Variants in DPP10 observed in about 807,000 individuals in gnomAD.
DPP10 encodes inactive dipeptidyl peptidase 10.
DPP10 carries 33 observed loss-of-function variants against 120.9 expected under a neutral mutation model. The ratio of observed to expected loss-of-function variants is 0.27; its 90% CI spans 0.21 to 0.37. The LOEUF (loss-of-function observed/expected upper bound fraction) is 0.37. Among genes scored for constraint, DPP10 ranks in the 10% least tolerant of loss-of-function variants. DPP10 has a pLI of 1.00. For missense variants in DPP10, 816 were observed against 942.8 expected, an observed-to-expected ratio of 0.87 and a Z score of 1.76; for synonymous variants, 337 against 326.1, an observed-to-expected ratio of 1.03 and a Z score of -0.36.
intron 1 of DPP10, among the ~76,000 whole-genome samples, chr2:114,507,531 A>G (rs1024015717): frequency 6.6e-6 from 1 of 152,164 alleles, no homozygotes; most frequent in Non-Finnish European, 1.5e-5. Context: ...TGATTCATAT[A>G]TTGGCTTAAA....
chr2:114,955,900 A>G (rs1698166131), intron 1 of DPP10, among the ~76,000 whole-genome samples: 2 of 152,182 alleles, frequency 1.3e-5, no homozygotes. Flanking sequence ...ATATTTTATC[A>G]TATTAAAAAA....
intron 1 of DPP10, among the ~76,000 whole-genome samples, chr2:115,277,205 C>G (rs556256710): frequency 5.3e-5 from 8 of 152,208 alleles, no homozygotes; most frequent in African/African-American, 1.9e-4. Flanking sequence ...CTGAAATAAG[C>G]AATGCATTCT....
At chr2:115,821,564 A>G (rs1404185600) in intron 21 of DPP10, among the ~76,000 whole-genome samples, 1 of 152,022 alleles carries the variant, frequency 6.6e-6, no homozygotes, top group Non-Finnish European at 1.5e-5. Context: ...GATTGTATTC[A>G]TTTAAATTTC....
intron 19 of DPP10, among the ~76,000 whole-genome samples, chr2:115,806,123 A>T (rs1685938413): frequency 1.3e-5 from 2 of 152,318 alleles, no homozygotes; most frequent in Non-Finnish European, 2.9e-5. Context: ...AATTCAGAAA[A>T]AGACCCATAA....
chr2:115,528,730 G>A (rs2078282128), intron 5 of DPP10, among the ~76,000 whole-genome samples: 1 of 152,012 alleles, frequency 6.6e-6, no homozygotes, highest in South Asian at 2.1e-4. Flanking sequence ...ATAAATCTTC[G>A]GAATTATGCC....
intron 1 of DPP10, among the ~76,000 whole-genome samples, chr2:114,995,424 C>G (rs1701016714): frequency 2.7e-4 from 2 of 7,406 alleles, no homozygotes; most frequent in Non-Finnish European, 3.9e-3. Flanking sequence ...GTTCCTTTCT[C>G]AGAAAAAAAA....
chr2:115,060,470 G>A (rs1410411697), intron 1 of DPP10, among the ~76,000 whole-genome samples: 1 of 152,092 alleles, frequency 6.6e-6, no homozygotes, highest in African/African-American at 2.4e-5. Context: ...GCATATGCCT[G>A]TAGTCCCAGC....
At chr2:115,639,753 G>C (rs1575413594) in intron 5 of DPP10, among the ~76,000 whole-genome samples, 1 of 151,994 alleles carries the variant, frequency 6.6e-6, no homozygotes, top group Non-Finnish European at 1.5e-5. Flanking sequence ...GAATCTCTAG[G>C]GTTTTGATTC....
chr2:114,989,382 C>A (rs928969819), intron 1 of DPP10, among the ~76,000 whole-genome samples: 1 of 152,056 alleles, frequency 6.6e-6, no homozygotes, highest in Non-Finnish European at 1.5e-5. Flanking sequence ...AGTAGGATGT[C>A]CACAGAGGAA....
At chr2:114,731,343 A>G (rs1676895045) in intron 1 of DPP10, among the ~76,000 whole-genome samples, 1 of 152,050 alleles carries the variant, frequency 6.6e-6, no homozygotes, top group Non-Finnish European at 1.5e-5. Flanking sequence ...GATTAACAGC[A>G]CTGTACTTCT....
At chr2:115,767,489 GTA>G (rs1491331151) in intron 12 of DPP10, among the ~76,000 whole-genome samples, 8 of 109,294 alleles carry the variant, frequency 7.3e-5, no homozygotes, top group Admixed American at 6.3e-4. Flanking sequence ...GTGTGTGTGT[GTA>G]TATATATATA....
At chr2:115,178,377 T>C (rs926775004) in intron 1 of DPP10, among the ~76,000 whole-genome samples, 1 of 151,942 alleles carries the variant, frequency 6.6e-6, no homozygotes. Context: ...GTCAAATTAC[T>C]TTCCTTCTCT....
chr2:114,644,445 A>G (rs915518217), intron 1 of DPP10, among the ~76,000 whole-genome samples: 5 of 151,332 alleles, frequency 3.3e-5, no homozygotes, highest in Admixed American at 2.6e-4. Flanking sequence ...TTATCTCCCT[A>G]TTACAAAACT....
intron 1 of DPP10, among the ~76,000 whole-genome samples, chr2:115,243,540 C>T (rs1371540374): frequency 6.6e-6 from 1 of 151,730 alleles, no homozygotes; most frequent in South Asian, 2.1e-4. Flanking sequence ...ACTGTAAAGC[C>T]AGTTATTTGC....
At chr2:114,600,062 T>C (rs1692242696) in intron 1 of DPP10, among the ~76,000 whole-genome samples, 1 of 151,794 alleles carries the variant, frequency 6.6e-6, no homozygotes, top group Admixed American at 6.6e-5. Flanking sequence ...GGGATCAATT[T>C]TTTTTTCCCA....
At chr2:114,681,825 T>G (rs1315596832) in intron 1 of DPP10, among the ~76,000 whole-genome samples, 1 of 152,028 alleles carries the variant, frequency 6.6e-6, no homozygotes, top group Non-Finnish European at 1.5e-5. Flanking sequence ...TTTGCTATAT[T>G]TTATGTTTCT....
At chr2:115,836,432 A>G in intron 22 of DPP10, 75 bp from the exon 23 acceptor site, 1 of 1,542,514 alleles carries the variant, frequency 6.5e-7, no homozygotes, top group Non-Finnish European at 8.8e-7. Context: ...TAAATGTAAA[A>G]TGAAGAAATT....
intron 13 of DPP10, among the ~76,000 whole-genome samples, chr2:115,770,180 C>G (rs1370851134): frequency 1.3e-5 from 2 of 152,000 alleles, no homozygotes; most frequent in Admixed American, 6.6e-5. Context: ...GAAATAATGT[C>G]TTTGTAAAAG....
chr2:115,686,206 T>C (rs1179325264), intron 5 of DPP10, among the ~76,000 whole-genome samples: 1 of 152,030 alleles, frequency 6.6e-6, no homozygotes, highest in Non-Finnish European at 1.5e-5. Context: ...CACCAGTCAC[T>C]TCTGCCCCCA....
Sources: allele counts gnomAD v4.1 joint callset (sites outside exome capture counted in the v4.1 genomes callset), GRCh38; gene constraint gnomAD v4.1.1; transcripts MANE v1.5; gene names NCBI Gene and HGNC (gene_info 2026-07-23, HGNC 2026-07-21).